The following TET1 variants were observed in gnomAD, a reference collection of about 807,000 sequenced individuals.
The protein encoded by TET1 is methylcytosine dioxygenase TET1.
Under a neutral mutation model 148.7 loss-of-function variants are expected in TET1, and 13 were observed. That is an observed-to-expected ratio of 0.09 (90% CI 0.06 to 0.14). The LOEUF (loss-of-function observed/expected upper bound fraction) is 0.14, where lower values mean the gene tolerates loss of function less well. Among genes scored for constraint, TET1 ranks in the 10% least tolerant of loss-of-function variants. TET1 has a pLI of 1.00. For synonymous variants in TET1, 907 were observed against 937.2 expected, an observed-to-expected ratio of 0.97 and a Z score of 0.59; for missense variants, 2,182 against 2,553.8, an observed-to-expected ratio of 0.85 and a Z score of 3.14.
At chr10:68,635,446 T>G (rs555199468) in intron 3 of TET1, among the ~76,000 whole-genome samples, 1 of 152,222 alleles carries the variant, frequency 6.6e-6, no homozygotes, top group African/African-American at 2.4e-5. Flanking sequence ...AACAACAACC[T>G]ACAGTTTATA....
chr10:68,671,722 A>AT (rs1330027646), intron 7 of TET1, among the ~76,000 whole-genome samples: 1 of 152,126 alleles, frequency 6.6e-6, no homozygotes, highest in Non-Finnish European at 1.5e-5. Context: ...TTTCTGCTCC[A>AT]TTTTTTTCTA....
At chr10:68,611,407 C>G (rs1425641226) in intron 3 of TET1, among the ~76,000 whole-genome samples, 2 of 152,114 alleles carry the variant, frequency 1.3e-5, no homozygotes. Context: ...AACTATGGAG[C>G]TCAAGACCGT....
intron 3 of TET1, among the ~76,000 whole-genome samples, chr10:68,619,513 A>C (rs1340322650): frequency 1.3e-5 from 2 of 152,154 alleles, no homozygotes; most frequent in Non-Finnish European, 2.9e-5. Context: ...ACTGCACCCA[A>C]CCACGCCCAT....
intron 3 of TET1, among the ~76,000 whole-genome samples, chr10:68,610,273 ACT>A (rs1331253523): frequency 1.3e-5 from 2 of 151,574 alleles, no homozygotes; most frequent in South Asian, 2.1e-4. Flanking sequence ...ACAGTGCGAG[ACT>A]CTGTCTCAAA....
chr10:68,618,704 T>TA (rs2054328941), intron 3 of TET1, among the ~76,000 whole-genome samples: 1 of 152,228 alleles, frequency 6.6e-6, no homozygotes, highest in Admixed American at 6.5e-5. Flanking sequence ...ATAGCATAAG[T>TA]ATAGTACAAT....
intron 3 of TET1, among the ~76,000 whole-genome samples, chr10:68,639,442 T>C (rs931355316): frequency 2.4e-5 from 2 of 84,018 alleles, no homozygotes; most frequent in African/African-American, 3.5e-5. Context: ...ATTACTATTA[T>C]TATTACTACT....
intron 3 of TET1, among the ~76,000 whole-genome samples, chr10:68,618,820 G>A (rs1451082008): frequency 6.6e-6 from 1 of 152,108 alleles, no homozygotes; most frequent in African/African-American, 2.4e-5. Context: ...AAGGAAATCT[G>A]GGCCTGGCCT....
chr10:68,629,540 A>ATT (rs200143684), intron 3 of TET1, among the ~76,000 whole-genome samples: 1 of 147,174 alleles, frequency 6.8e-6, no homozygotes, highest in African/African-American at 2.5e-5. Flanking sequence ...ATTATTTTTA[A>ATT]TTTTTTTTTT....
chr10:68,598,424 T>C (rs1404591709), intron 2 of TET1, among the ~76,000 whole-genome samples: 1 of 152,214 alleles, frequency 6.6e-6, no homozygotes, highest in Non-Finnish European at 1.5e-5. Flanking sequence ...ATGTTACATA[T>C]ATTTCATCAC....
rs1564513973 is a variant in TET1 at position 68,691,355 on chromosome 10, G to A, written c.5952G>A (p.Glu1984=). Residue 1984 remains glutamate, a synonymous_variant, in exon 12 of 12, where the codon GAG becomes GAA. Coordinates refer to ENST00000373644, the MANE Select transcript of TET1 (RefSeq NM_030625.3). This position sits in a 1 kb window ranked among gnomAD's most constrained non-coding sequence, Gnocchi z 4.4. ...PLSDDPLSPA[E]EKLPHIDEYW... ...CTGATGACCCCCTGTCACCTGCTGA[G>A]GAGAAATTGCCCCACATTGATGAGT... 6.2e-7 allele frequency: 1 copy of A among 1,614,200 alleles called. No homozygotes were observed. The highest frequency in any genetic ancestry group is 8.5e-7 in the Non-Finnish European group (1 of 1,180,046).
At chr10:68,585,900 C>T (rs1310131252) in intron 2 of TET1, among the ~76,000 whole-genome samples, 1 of 150,446 alleles carries the variant, frequency 6.6e-6, no homozygotes, top group African/African-American at 2.4e-5. Flanking sequence ...CCCAGCTACT[C>T]AGGAGGCTGA....
chr10:68,664,343 T>C (rs896449022), intron 6 of TET1, among the ~76,000 whole-genome samples: 1 of 152,106 alleles, frequency 6.6e-6, no homozygotes. Flanking sequence ...AATGTGTATA[T>C]ATATATCATG....
intron 3 of TET1, among the ~76,000 whole-genome samples, chr10:68,631,760 C>CA (rs1179833100): frequency 7.2e-5 from 11 of 152,134 alleles, no homozygotes; most frequent in African/African-American, 2.7e-4. Context: ...GGTATTCTTG[C>CA]AGCTTATGTT....
At position 68,568,281 on chromosome 10, in the gene TET1, G is replaced by C. The variant is rs138383202; in HGVS notation, c.-122-3936G>C. ...CTTGTCACCCAGGCTGGAGTGCAAT[G>C]GTGCGATCTTGGCTCCCTGCAACCT... On this transcript the variant is annotated intron_variant, in intron 1 of 11. Transcript: ENST00000373644. 9.2e-4 allele frequency among the ~76,000 whole-genome samples: 131 copies of C among 141,818 alleles called. 1 individual carries two copies. Among genetic ancestry groups the C allele is most frequent in the African/African-American group, 3.2e-3 (121 of 37,340 alleles). 93.0% of individuals were successfully genotyped at this position (141,818 alleles called of 152,430 possible). A position where few individuals can be genotyped will look rare whatever the true frequency, so the allele number is the denominator to read the frequency against.
rs574929890 is a variant in TET1, at chr10:68,649,687, G to A, written c.4277-2159G>A. Among the ~76,000 whole-genome samples the A allele has an allele frequency of 4.6e-5, 7 of 151,596 alleles. No individual in the cohort carries two copies. In the South Asian group the frequency reaches 1.0e-3, roughly 23 times the overall value. On this transcript the variant is annotated intron_variant, in intron 4 of 11. Transcript: ENST00000373644. ...ATAAGGCCTGTAGTTCAACAAACAC[G>A]TGCCTTTAAAGTTTATATACCTGAG...
chr10:68,635,877 G>T (rs1156914935), intron 3 of TET1, among the ~76,000 whole-genome samples: 1 of 152,132 alleles, frequency 6.6e-6, no homozygotes, highest in Non-Finnish European at 1.5e-5. Context: ...TCTAGGAGTA[G>T]GCTCATCAAG....
chr10:68,598,681 T>G (rs1211209187), intron 2 of TET1, among the ~76,000 whole-genome samples: 1 of 113,058 alleles, frequency 8.8e-6, no homozygotes, highest in Non-Finnish European at 2.1e-5. Context: ...TTCATTAGGT[T>G]TTTTTTTTCT....
rs754817447 is a variant in TET1 at position 68,667,200 on chromosome 10, G to A, written c.4617G>A (p.Glu1539=). 2 of 1,614,014 alleles carry A rather than the reference G, an allele frequency of 1.2e-6. No homozygotes were observed. Among genetic ancestry groups the A allele is most frequent in the Admixed American group, 1.7e-5 (1 of 59,982 alleles). The change falls in exon 7 of 12, where the codon GAG becomes GAA. Residue 1539 remains glutamate, a synonymous_variant. Transcript: ENST00000373644. ...MADRLYTELT[E]NLKSYNGHPT... is the part of the protein sequence containing the mutation. ...ACCGGCTATACACAGAGCTCACAGA[G>A]AATCTAAAGTCATACAATGGGCACC... is the stretch of plus-strand genomic sequence containing the variant.
chr10:68,609,799 T>G (rs987759941), intron 3 of TET1, among the ~76,000 whole-genome samples: 1 of 152,062 alleles, frequency 6.6e-6, no homozygotes, highest in Non-Finnish European at 1.5e-5. Flanking sequence ...TTTTTAAATA[T>G]TTTATATACA....
Sources: allele counts gnomAD v4.1 joint callset (sites outside exome capture counted in the v4.1 genomes callset), GRCh38; gene constraint gnomAD v4.1.1; non-coding constraint Gnocchi (gnomAD v3.1); transcripts MANE v1.5; gene names NCBI Gene and HGNC (gene_info 2026-07-23, HGNC 2026-07-21).